Variants in ODF2 observed in about 807,000 individuals in gnomAD.
ODF2 encodes outer dense fiber protein 2.
In ODF2, 47 loss-of-function variants were observed where a neutral mutation model predicts 110.2. The observed-to-expected ratio is 0.43, with a 90% confidence interval of 0.34 to 0.54. The LOEUF is 0.54. Among genes scored for constraint, ODF2 ranks in the 20% least tolerant of loss-of-function variants. ODF2 has a pLI of 0.03. For synonymous variants in ODF2, 352 were observed against 397.7 expected (o/e 0.89, Z 1.37); for missense variants, 812 against 1,054.5 (o/e 0.77, Z 3.19).
intron 15 of ODF2, 69 bp from the exon 16 acceptor site, chr9:128,492,632 G>A: frequency 6.5e-7 from 1 of 1,547,548 alleles, no homozygotes. Context: ...GGGAGGGTTG[G>A]GTATGGAAGA....
chr9:128,456,193 C>T (rs575273953), exon 1 of ODF2: 3 of 1,548,554 alleles, frequency 1.9e-6, no homozygotes, highest in Admixed American at 2.0e-5. Flanking sequence ...ATGGCACGAC[C>T]CTGGCCTCCG....
intron 8 of ODF2, among the ~76,000 whole-genome samples, chr9:128,476,100 C>T (rs1324505284): frequency 2.0e-5 from 3 of 151,970 alleles, no homozygotes; most frequent in Admixed American, 1.3e-4. Flanking sequence ...ATCTCTACTG[C>T]GTTTTCTTCA....
At chr9:128,459,255 C>T (rs1835779256) in intron 2 of ODF2, among the ~76,000 whole-genome samples, 1 of 152,240 alleles carries the variant, frequency 6.6e-6, no homozygotes, top group Non-Finnish European at 1.5e-5. Context: ...ACATTGGCTT[C>T]TGTTCATGTG....
intron 7 of ODF2, 146 bp downstream of exon 7, chr9:128,473,188 A>G: frequency 6.8e-7 from 1 of 1,461,050 alleles, no homozygotes; most frequent in South Asian, 1.4e-5. Context: ...GCCCCCACCC[A>G]CCACTCTCAC....
intron 8 of ODF2, among the ~76,000 whole-genome samples, chr9:128,476,217 C>T (rs1395186734): frequency 2.0e-5 from 3 of 152,126 alleles, no homozygotes; most frequent in African/African-American, 7.2e-5. Context: ...TGGTTGTCTC[C>T]TGCTTGGTTC....
chr9:128,487,516 G>T (rs915533574), intron 13 of ODF2, among the ~76,000 whole-genome samples: 2 of 152,078 alleles, frequency 1.3e-5, no homozygotes, highest in Non-Finnish European at 1.5e-5. Flanking sequence ...GGCCGGGTGC[G>T]GTGGCTCACA....
intron 13 of ODF2, among the ~76,000 whole-genome samples, chr9:128,487,324 C>G (rs1223964874): frequency 6.6e-6 from 1 of 152,144 alleles, no homozygotes; most frequent in African/African-American, 2.4e-5. Context: ...GGAGACACAT[C>G]TTAACGGACG....
At chr9:128,460,588 A>T (rs1464626306) in intron 3 of ODF2, 1 of 1,613,826 alleles carries the variant, frequency 6.2e-7, no homozygotes, top group Admixed American at 1.7e-5. Context: ...CTCCCCCCTT[A>T]CATGTTCACG....
chr9:128,464,496 GTTTT>G (rs968005956), intron 4 of ODF2, among the ~76,000 whole-genome samples: 5 of 150,818 alleles, frequency 3.3e-5, no homozygotes, highest in Non-Finnish European at 4.4e-5. Context: ...GGTAGTTTGG[GTTTT>G]TTTGTTTTTG....
At chr9:128,477,771 G>A (rs1841614027) in intron 8 of ODF2, among the ~76,000 whole-genome samples, 1 of 151,348 alleles carries the variant, frequency 6.6e-6, no homozygotes, top group Non-Finnish European at 1.5e-5. Flanking sequence ...GCTAATTTTT[G>A]TATTTTTAGT....
chr9:128,482,764 C>T (rs995678385), intron 9 of ODF2, 52 bp from the exon 10 acceptor site: 50 of 1,431,412 alleles, frequency 3.5e-5, no homozygotes, highest in Middle Eastern at 1.8e-4. Flanking sequence ...CTCCCTGGGC[C>T]GGGCCTCTTT....
At chr9:128,488,940 G>C (rs188636532) in intron 14 of ODF2, among the ~76,000 whole-genome samples, 2 of 152,224 alleles carry the variant, frequency 1.3e-5, no homozygotes, top group Non-Finnish European at 2.9e-5. Flanking sequence ...CCAGGAAGTG[G>C]AGGTTGCAGT....
chr9:128,492,711 C>G, exon 16 of ODF2: 1 of 1,613,986 alleles, frequency 6.2e-7, no homozygotes, highest in Non-Finnish European at 8.5e-7. Flanking sequence ...GTGATGAAGA[C>G]CAGATTGGAG....
At chr9:128,455,958 A>C (rs1285876526), upstream of ODF2, 1 of 1,408,508 alleles carries the variant, frequency 7.1e-7, no homozygotes, top group Non-Finnish European at 9.2e-7. Context: ...GACGCGTAGC[A>C]CGTCTCCTTG....
chr9:128,457,097 G>T (rs922412381), intron 1 of ODF2: 2 of 1,373,542 alleles, frequency 1.5e-6, no homozygotes, highest in Admixed American at 4.9e-5. Flanking sequence ...TGGGACCCGG[G>T]CGCGGTGGTC....
At chr9:128,500,108 T>G in exon 21 of ODF2, 1 of 1,614,256 alleles carries the variant, frequency 6.2e-7, no homozygotes, top group Non-Finnish European at 8.5e-7. Context: ...ACCTGAAAGA[T>G]CGCCTGGAGC....
At chr9:128,455,927 G>A (rs1338983484), upstream of ODF2, 8 of 1,392,314 alleles carry the variant, frequency 5.7e-6, no homozygotes, top group Non-Finnish European at 7.4e-6. Context: ...AATGGGGGGC[G>A]AGACCCGGCC....
chr9:128,487,795 A>C (rs1843670815), intron 13 of ODF2, 95 bp from the exon 14 acceptor site: 1 of 1,347,680 alleles, frequency 7.4e-7, no homozygotes, highest in Non-Finnish European at 9.7e-7. Context: ...TAAAAAAACA[A>C]ACAAACAAAA....
At chr9:128,477,287 G>A (rs551204013) in intron 8 of ODF2, among the ~76,000 whole-genome samples, 62 of 151,054 alleles carry the variant, frequency 4.1e-4, no homozygotes, top group South Asian at 3.8e-3. Context: ...GGTGGCTCAC[G>A]CCTGTAATTC....
Sources: allele counts gnomAD v4.1 joint callset (sites outside exome capture counted in the v4.1 genomes callset), GRCh38; gene constraint gnomAD v4.1.1; transcripts MANE v1.5; gene names NCBI Gene and HGNC (gene_info 2026-07-23, HGNC 2026-07-21).